The following SPIN1 variants were observed in gnomAD, a reference collection of about 807,000 sequenced individuals.
The protein encoded by SPIN1 is spindlin-1.
In SPIN1, 3 loss-of-function variants were observed where a neutral mutation model predicts 26.0. The observed-to-expected ratio is 0.12, with a 90% CI of 0.05 to 0.30. The LOEUF (loss-of-function observed/expected upper bound fraction) is 0.30, where lower values mean the gene tolerates loss of function less well. Among genes scored for constraint, SPIN1 ranks in the 10% least tolerant of loss-of-function variants. SPIN1 has a pLI of 1.00. For synonymous variants in SPIN1, 101 were observed against 116.5 expected, an observed-to-expected ratio of 0.87 and a Z score of 0.86; for missense variants, 126 against 333.4, an observed-to-expected ratio of 0.38 and a Z score of 4.84.
chr9:88,410,561 T>G lies in SPIN1; in HGVS notation c.-158-15821T>G. On this transcript the variant is annotated intron_variant, in intron 1 of 5. Coordinates refer to ENST00000375859, the MANE Select transcript of SPIN1 (RefSeq NM_006717.3). ...CTTCTGCTACTGCCATAGCTACTGC[T>G]GCTACTGGAACCACCATAGTAGCCA... The G allele has an allele frequency of 3.6e-6, 3 of 824,882 alleles. No homozygotes were observed. In the South Asian group the frequency reaches 4.0e-5, roughly 11 times the overall value. The allele number at this position is 824,882 out of a possible 1,614,324, so 51.1% of individuals were successfully genotyped here.
intron 1 of SPIN1, among the ~76,000 whole-genome samples, chr9:88,421,032 G>A (rs1827657822): frequency 6.6e-6 from 1 of 152,170 alleles, no homozygotes; most frequent in Non-Finnish European, 1.5e-5. Context: ...AGCTGTTTAA[G>A]ATCCTTAAAC....
intron 1 of SPIN1, among the ~76,000 whole-genome samples, chr9:88,419,465 C>T (rs770327007): frequency 2.0e-5 from 3 of 152,156 alleles, no homozygotes; most frequent in Non-Finnish European, 4.4e-5. Context: ...ACTGCTCCAT[C>T]TGTGAGGGCG....
At chr9:88,447,257 TAA>T (rs1383103656) in intron 2 of SPIN1, among the ~76,000 whole-genome samples, 8 of 152,244 alleles carry the variant, frequency 5.3e-5, no homozygotes, top group African/African-American at 7.2e-5. Flanking sequence ...TTTTGTATTT[TAA>T]GTGTTTTTAT....
intron 5 of SPIN1, 49 bp downstream of exon 5, chr9:88,468,654 G>A: frequency 8.4e-7 from 1 of 1,183,956 alleles, no homozygotes; most frequent in Non-Finnish European, 1.1e-6. Flanking sequence ...AAGGGATTTG[G>A]ACTTCAGTAC....
chr9:88,425,370 A>T (rs1332153475), intron 1 of SPIN1, among the ~76,000 whole-genome samples: 1 of 152,034 alleles, frequency 6.6e-6, no homozygotes, highest in Non-Finnish European at 1.5e-5. Context: ...TAGGAACTAA[A>T]TTTGGTTTAA....
chr9:88,422,459 T>C (rs762383826), intron 1 of SPIN1, among the ~76,000 whole-genome samples: 3 of 152,202 alleles, frequency 2.0e-5, no homozygotes, highest in Non-Finnish European at 4.4e-5. Flanking sequence ...TGGGATTTGT[T>C]TTAGAAAAGC....
chr9:88,445,563 A>AT (rs980861659), intron 2 of SPIN1, among the ~76,000 whole-genome samples: 5 of 141,438 alleles, frequency 3.5e-5, no homozygotes, highest in African/African-American at 1.1e-4. Flanking sequence ...TATTATTATT[A>AT]TATTGAGATG....
chr9:88,430,366 G>C (rs1469808875), intron 2 of SPIN1, among the ~76,000 whole-genome samples: 1 of 152,176 alleles, frequency 6.6e-6, no homozygotes, highest in Non-Finnish European at 1.5e-5. Context: ...AACTGTCACA[G>C]CTGTGTGGCC....
chr9:88,394,296 A>G (rs1175889800), intron 1 of SPIN1, among the ~76,000 whole-genome samples: 1 of 152,202 alleles, frequency 6.6e-6, no homozygotes, highest in Non-Finnish European at 1.5e-5. Context: ...AAGATGTCTA[A>G]GGTTCACTTT....
At chr9:88,419,320 T>C (rs532857861) in intron 1 of SPIN1, among the ~76,000 whole-genome samples, 1 of 152,220 alleles carries the variant, frequency 6.6e-6, no homozygotes, top group East Asian at 1.9e-4. Flanking sequence ...GTCACTCTCT[T>C]TAAATTAGCC....
chr9:88,456,525 C>T (rs1587810546), intron 3 of SPIN1, among the ~76,000 whole-genome samples: 1 of 152,182 alleles, frequency 6.6e-6, no homozygotes, highest in African/African-American at 2.4e-5. Context: ...ACAGAATTGG[C>T]ATTGGAACAG....
intron 2 of SPIN1, among the ~76,000 whole-genome samples, chr9:88,440,280 T>C (rs1828092576): frequency 6.6e-6 from 1 of 150,718 alleles, no homozygotes; most frequent in Admixed American, 6.6e-5. Flanking sequence ...TCCACCTTTT[T>C]CCCTTCCTTA....
At chr9:88,472,962 G>A (rs916450481) in intron 5 of SPIN1, among the ~76,000 whole-genome samples, 1 of 152,098 alleles carries the variant, frequency 6.6e-6, no homozygotes, top group Non-Finnish European at 1.5e-5. Flanking sequence ...GATGTAACTG[G>A]TAGGCCCTCT....
At chr9:88,466,763 G>A (rs1329085725) in intron 4 of SPIN1, among the ~76,000 whole-genome samples, 5 of 152,088 alleles carry the variant, frequency 3.3e-5, no homozygotes. Context: ...TTAAGACAGG[G>A]CCTCACTCCC....
intron 2 of SPIN1, among the ~76,000 whole-genome samples, chr9:88,436,336 TA>T (rs1477166424): frequency 6.6e-6 from 1 of 152,194 alleles, no homozygotes; most frequent in Non-Finnish European, 1.5e-5. Context: ...TAACGGGCTC[TA>T]TTTTTTTAGA....
chr9:88,463,516 G>T (rs1163128189), intron 4 of SPIN1, among the ~76,000 whole-genome samples: 1 of 152,138 alleles, frequency 6.6e-6, no homozygotes, highest in Non-Finnish European at 1.5e-5. Flanking sequence ...TCTAGACTTG[G>T]GAGGTAGGAA....
intron 2 of SPIN1, among the ~76,000 whole-genome samples, chr9:88,446,708 G>A (rs866443604): frequency 2.6e-5 from 4 of 151,996 alleles, no homozygotes; most frequent in South Asian, 2.1e-4. Context: ...GCGCCAGCCC[G>A]GCTTGCTTAT....
In SPIN1 at chr9:88,462,640, A is replaced by C. The variant is rs1332940395; in HGVS notation, c.246A>C (p.Val82=). ...WKGTVLDQVP[V]NPSLYLIKYD... ...GAACCGTTCTGGACCAGGTGCCTGT[A>C]AATCCTTCTTTGTATCTTATAAAAT... Residue 82 remains valine, a synonymous_variant, in exon 4 of 6, where the codon GTA becomes GTC. Transcript: ENST00000375859. 6.2e-7 allele frequency: 1 copy of C among 1,614,012 alleles called. No individual in the cohort carries two copies. Among genetic ancestry groups the C allele is most frequent in the Admixed American group, 1.7e-5 (1 of 59,988 alleles).
chr9:88,405,463 G>T (rs918148743), intron 1 of SPIN1, among the ~76,000 whole-genome samples: 1 of 150,986 alleles, frequency 6.6e-6, no homozygotes, highest in Non-Finnish European at 1.5e-5. Flanking sequence ...TCCTGACCTC[G>T]TGATCCGCCC....
Sources: gnomAD v4.1 joint callset for allele counts (sites outside exome capture counted in the v4.1 genomes callset) on GRCh38, gnomAD v4.1.1 for gene constraint, MANE v1.5 for transcripts, NCBI Gene and HGNC (gene_info 2026-07-23, HGNC 2026-07-21) for gene names.